Variants in USP40 observed in about 807,000 individuals in gnomAD.
USP40 encodes ubiquitin specific peptidase 40.
A neutral mutation model predicts 166.2 loss-of-function variants in USP40; 143 were observed. The ratio of observed to expected loss-of-function variants is 0.86; its 90% CI spans 0.75 to 0.99. The LOEUF (loss-of-function observed/expected upper bound fraction) is 0.99. Among genes scored for constraint, USP40 ranks in the 50% least tolerant of loss-of-function variants. USP40 has a pLI of 0.00. For synonymous variants in USP40, 498 were observed against 524.0 expected, an observed-to-expected ratio of 0.95 and a Z score of 0.68; for missense variants, 1,444 against 1,479.7, an observed-to-expected ratio of 0.98 and a Z score of 0.40.
chr2:233,483,473 G>A (rs2971867), intron 30 of USP40, among the ~76,000 whole-genome samples: 41,752 of 151,958 alleles, frequency 0.27, 6,619 homozygotes, highest in African/African-American at 0.45. Context: ...CCTGGGTGAC[G>A]GAGTGAGACC....
chr2:233,515,068 T>C (rs941885777), intron 18 of USP40, among the ~76,000 whole-genome samples: 52 of 152,358 alleles, frequency 3.4e-4, no homozygotes, highest in African/African-American at 1.2e-3. Context: ...ATTCATGTGT[T>C]GTATGTGGTG....
intron 30 of USP40, among the ~76,000 whole-genome samples, chr2:233,485,045 C>G (rs1470976378): frequency 6.6e-6 from 1 of 152,154 alleles, no homozygotes; most frequent in Non-Finnish European, 1.5e-5. Flanking sequence ...GCGTTTCCTT[C>G]TATTCCTAGT....
At chr2:233,503,465 T>C (rs1310256209) in intron 21 of USP40, among the ~76,000 whole-genome samples, 3 of 152,148 alleles carry the variant, frequency 2.0e-5, no homozygotes, top group African/African-American at 7.2e-5. Context: ...AAGATCCTCT[T>C]TGGGCACTTT....
rs2072068550 is a variant in USP40 at position 233,565,543 on chromosome 2, G to C, written c.12C>G (p.Asp4Glu). Residue 4 changes from aspartate to glutamate, a missense_variant, in exon 2 of 32, where the codon GAC becomes GAG. Physicochemically the swap from Asp to Glu is conservative, Grantham distance 45. Transcript: ENST00000678225. ...CAGTGGAATACTCCTCTTCAAACAG[G>C]TCCCCAAACATTGTGAAACTAAATA... MFG[D>E]LFEEEYSTVS... 6.5e-7 allele frequency: 1 copy of C among 1,536,604 alleles called. No individual in the cohort carries two copies. The highest frequency in any genetic ancestry group is 1.4e-5 in the African/African-American group (1 of 72,916).
At chr2:233,489,268 T>A in intron 27 of USP40, 97 bp downstream of exon 27, 1 of 1,186,264 alleles carries the variant, frequency 8.4e-7, no homozygotes, top group Non-Finnish European at 1.2e-6. Flanking sequence ...GGCTTTGTTG[T>A]CACTCAGCTC....
At chr2:233,509,746 C>CAGG in intron 21 of USP40, among the ~76,000 whole-genome samples, 1 of 148,818 alleles carries the variant, frequency 6.7e-6, no homozygotes, top group Non-Finnish European at 1.5e-5. Context: ...GAGGCTGAGG[C>CAGG]AGGAGAATCA....
intron 8 of USP40, among the ~76,000 whole-genome samples, chr2:233,544,126 T>C (rs1441101957): frequency 6.6e-6 from 1 of 152,098 alleles, no homozygotes; most frequent in Non-Finnish European, 1.5e-5. Context: ...TGATTACAAA[T>C]TCTAGGGTTC....
intron 21 of USP40, among the ~76,000 whole-genome samples, chr2:233,506,706 G>A (rs2066437185): frequency 7.0e-6 from 1 of 143,702 alleles, no homozygotes; most frequent in Non-Finnish European, 1.5e-5. Context: ...ACCAGCCTGG[G>A]CAACATGGTG....
intron 5 of USP40, 103 bp from the exon 6 acceptor site, chr2:233,554,629 A>G (rs2070886806): frequency 1.2e-6 from 1 of 867,490 alleles, no homozygotes; most frequent in Non-Finnish European, 1.6e-6. Context: ...ATGTTTTCTA[A>G]AACATTACAA....
intron 12 of USP40, among the ~76,000 whole-genome samples, chr2:233,528,542 C>T (rs2068235415): frequency 6.6e-6 from 1 of 152,128 alleles, no homozygotes; most frequent in Non-Finnish European, 1.5e-5. Flanking sequence ...GATGACAGCC[C>T]CTCAGGCTCT....
chr2:233,553,931 A>C (rs2070813024), intron 6 of USP40, among the ~76,000 whole-genome samples: 1 of 152,180 alleles, frequency 6.6e-6, no homozygotes, highest in African/African-American at 2.4e-5. Context: ...AAATACTCCC[A>C]CCTGGGGGAG....
intron 21 of USP40, among the ~76,000 whole-genome samples, chr2:233,506,181 A>G (rs2066405453): frequency 6.6e-6 from 1 of 152,228 alleles, no homozygotes. Context: ...TAAAGAGCCC[A>G]GAAATAAATT....
chr2:233,511,613 A>C, intron 20 of USP40, 96 bp downstream of exon 20: 1 of 875,864 alleles, frequency 1.1e-6, no homozygotes, highest in Non-Finnish European at 1.7e-6. Flanking sequence ...AAAAACTTTT[A>C]GAGAAAAACA....
intron 26 of USP40, among the ~76,000 whole-genome samples, chr2:233,490,580 GAAGA>G (rs1026345063): frequency 3.3e-5 from 5 of 152,186 alleles, no homozygotes; most frequent in African/African-American, 1.2e-4. Flanking sequence ...TCCTCTAAGA[GAAGA>G]AAGGAATGCT....
intron 21 of USP40, among the ~76,000 whole-genome samples, chr2:233,505,038 A>G (rs777903053): frequency 3.3e-5 from 5 of 152,120 alleles, no homozygotes; most frequent in Non-Finnish European, 4.4e-5. Context: ...TAGAAATCAA[A>G]AAGAAAAACT....
chr2:233,562,819 G>C lies in USP40; in HGVS notation c.200-16C>G. On this transcript the variant is annotated splice_polypyrimidine_tract_variant and intron_variant, in intron 2 of 31. Transcript: ENST00000678225. ...AATAGAGCTTCTAAAGAAAAAGGTA[G>C]AATCAGAGATGCAAATGACATCATT... 5 of 1,507,080 alleles carry C rather than the reference G, an allele frequency of 3.3e-6. No individual in the cohort carries two copies. The highest frequency in any genetic ancestry group is 1.3e-5 in the South Asian group (1 of 76,570). 93.4% of individuals were successfully genotyped at this position (1,507,080 alleles called of 1,614,324 possible).
chr2:233,510,478 C>G (rs1436130191), intron 20 of USP40, among the ~76,000 whole-genome samples: 1 of 136,804 alleles, frequency 7.3e-6, no homozygotes, highest in African/African-American at 2.8e-5. Flanking sequence ...TCTTGGCTCA[C>G]TGCAACCTCT....
chr2:233,547,561 C>A (rs530482903), intron 8 of USP40, among the ~76,000 whole-genome samples: 7 of 152,288 alleles, frequency 4.6e-5, no homozygotes, highest in Admixed American at 1.3e-4. Flanking sequence ...GGAAGCTATG[C>A]TTTAAGCATT....
intron 8 of USP40, among the ~76,000 whole-genome samples, chr2:233,542,777 C>T (rs562768699): frequency 5.3e-5 from 8 of 152,278 alleles, no homozygotes; most frequent in South Asian, 2.1e-4. Flanking sequence ...AATTCCAGCT[C>T]CTGGTTGAGC....
Sources: gnomAD v4.1 joint callset for allele counts (sites outside exome capture counted in the v4.1 genomes callset) on GRCh38, gnomAD v4.1.1 for gene constraint, MANE v1.5 for transcripts, NCBI Gene and HGNC (gene_info 2026-07-23, HGNC 2026-07-21) for gene names.